The following FLACC1 variants were observed in gnomAD, a reference collection of about 807,000 sequenced individuals.
FLACC1 encodes the protein flagellum-associated coiled-coil domain-containing protein 1.
In FLACC1, 66 loss-of-function variants were observed where a neutral mutation model predicts 62.8. The observed-to-expected ratio is 1.05, with a 90% CI of 0.86 to 1.29. FLACC1 has a LOEUF of 1.29. Ranked by LOEUF, FLACC1 falls within the 50% of genes most tolerant of loss-of-function variation. FLACC1 has a pLI of 0.00. For synonymous variants in FLACC1, 156 were observed against 161.0 expected (o/e 0.97, Z 0.24); for missense variants, 452 against 489.1 (o/e 0.92, Z 0.71).
At chr2:201,340,188 C>T (rs188011157) in intron 7 of FLACC1, among the ~76,000 whole-genome samples, 108 of 152,276 alleles carry the variant, frequency 7.1e-4, no homozygotes, top group Non-Finnish European at 1.3e-3. Flanking sequence ...AAAATCCATT[C>T]ACGCATTCTA....
At chr2:201,361,580 A>G (rs1231214275), upstream of FLACC1, among the ~76,000 whole-genome samples, 1 of 152,224 alleles carries the variant, frequency 6.6e-6, no homozygotes, top group Non-Finnish European at 1.5e-5. Context: ...TTACATTTAT[A>G]TATATGTAGA....
At chr2:201,306,504 C>T (rs1031284340) in intron 11 of FLACC1, among the ~76,000 whole-genome samples, 1 of 152,066 alleles carries the variant, frequency 6.6e-6, no homozygotes, top group Non-Finnish European at 1.5e-5. Context: ...AAAAATGACC[C>T]ATGACTCTTA....
intron 12 of FLACC1, among the ~76,000 whole-genome samples, chr2:201,293,551 T>C (rs1466625438): frequency 6.6e-6 from 1 of 152,150 alleles, no homozygotes; most frequent in Non-Finnish European, 1.5e-5. Context: ...TGGCACTAAA[T>C]GCCCACAAGA....
At chr2:201,344,412 G>T in intron 5 of FLACC1, 149 bp from the exon 6 acceptor site, 5 of 681,346 alleles carry the variant, frequency 7.3e-6, no homozygotes, top group Non-Finnish European at 7.8e-6. Context: ...TGGGGTGGGG[G>T]TGGAGGGATA....
intron 12 of FLACC1, among the ~76,000 whole-genome samples, chr2:201,294,947 T>C (rs1343970532): frequency 6.6e-6 from 1 of 152,094 alleles, no homozygotes; most frequent in Non-Finnish European, 1.5e-5. Context: ...ATAAAATACC[T>C]AGGAATCCAA....
At chr2:201,332,206 C>A (rs1309342552) in intron 7 of FLACC1, among the ~76,000 whole-genome samples, 2 of 151,636 alleles carry the variant, frequency 1.3e-5, no homozygotes, top group Non-Finnish European at 2.9e-5. Context: ...AATAATGAAA[C>A]CAAACTAGTT....
At chr2:201,339,066 C>CTTTTTTTTTTTTTTTTTTT (rs1559414089) in intron 7 of FLACC1, among the ~76,000 whole-genome samples, 1 of 151,872 alleles carries the variant, frequency 6.6e-6, no homozygotes, top group African/African-American at 2.4e-5. Flanking sequence ...TGTTGGGAGA[C>CTTTTTTTTTTTTTTTTTTT]TTTTTATTAC....
intron 11 of FLACC1, among the ~76,000 whole-genome samples, chr2:201,303,562 T>C (rs572076122): frequency 6.6e-4 from 101 of 152,266 alleles, no homozygotes; most frequent in Non-Finnish European, 1.2e-3. Context: ...AGAGGGAATC[T>C]TCCCTAACTC....
At chr2:201,313,651 A>G (rs921376612) in intron 9 of FLACC1, among the ~76,000 whole-genome samples, 4 of 152,144 alleles carry the variant, frequency 2.6e-5, no homozygotes, top group Admixed American at 6.6e-5. Context: ...GACAAAGGGC[A>G]TATACTCTTG....
intron 3 of FLACC1, among the ~76,000 whole-genome samples, chr2:201,349,960 G>A (rs1211914140): frequency 1.3e-5 from 2 of 152,218 alleles, no homozygotes; most frequent in African/African-American, 4.8e-5. Flanking sequence ...TGTAGGATCT[G>A]AGGTTTGCAA....
chr2:201,289,974 C>A, intron 12 of FLACC1, 189 bp from the exon 13 acceptor site: 1 of 976,858 alleles, frequency 1.0e-6, no homozygotes, highest in Non-Finnish European at 1.5e-6. Flanking sequence ...TCAGCCTCAC[C>A]AGAGCTCATA....
intron 7 of FLACC1, 52 bp downstream of exon 7, chr2:201,342,318 C>A (rs545855998): frequency 5.1e-6 from 8 of 1,581,604 alleles, no homozygotes; most frequent in South Asian, 1.1e-5. Flanking sequence ...GCAAAGGATG[C>A]GGGACCCTTA....
intron 7 of FLACC1, among the ~76,000 whole-genome samples, chr2:201,332,662 T>C (rs1950617492): frequency 6.6e-6 from 1 of 152,158 alleles, no homozygotes; most frequent in Non-Finnish European, 1.5e-5. Context: ...GAAAATCCCA[T>C]ATTTCTCCTG....
At chr2:201,297,995 G>A (rs1949901540) in intron 12 of FLACC1, among the ~76,000 whole-genome samples, 1 of 152,188 alleles carries the variant, frequency 6.6e-6, no homozygotes, top group African/African-American at 2.4e-5. Context: ...ATCCTGGCCT[G>A]TTAAGGGAAC....
chr2:201,321,060 A>T (rs751317758), intron 9 of FLACC1, among the ~76,000 whole-genome samples: 5 of 152,200 alleles, frequency 3.3e-5, no homozygotes, highest in Non-Finnish European at 5.9e-5. Context: ...TGACCAGTTC[A>T]TTACTACTAA....
Position 201,351,167 on chromosome 2 carries a change from C to T in FLACC1, c.113+125G>A, listed in dbSNP as rs560100561. ...CAGCTGGCAGGGAAGCTGGGGAAAG[C>T]GAGGCTTTCTGGCCCACCTGGGATT... On this transcript the variant is annotated intron_variant, in intron 2 of 14. Transcript: ENST00000392257. 328 of 835,136 alleles carry T rather than the reference C, an allele frequency of 3.9e-4. 1 individual carries two copies. The African/African-American group carries it at 4.3e-3, about 11-fold the overall frequency. 51.7% of individuals were successfully genotyped at this position (835,136 alleles called of 1,614,324 possible).
chr2:201,363,023 T>G, the FLACC1 span, among the ~76,000 whole-genome samples: 1 of 152,138 alleles, frequency 6.6e-6, no homozygotes, highest in Non-Finnish European at 1.5e-5. Context: ...AGTCTGCATA[T>G]GTCATTGCAG....
chr2:201,362,403 T>C, the FLACC1 span, among the ~76,000 whole-genome samples: 1 of 152,032 alleles, frequency 6.6e-6, no homozygotes, highest in Non-Finnish European at 1.5e-5. Context: ...AATAGCAAGA[T>C]AGTGTGTAAA....
intron 7 of FLACC1, among the ~76,000 whole-genome samples, chr2:201,334,954 C>T (rs905939573): frequency 1.3e-5 from 2 of 151,954 alleles, no homozygotes; most frequent in African/African-American, 4.8e-5. Flanking sequence ...CTTTTTATTA[C>T]TTATTCAATA....
Sources: allele counts gnomAD v4.1 joint callset (sites outside exome capture counted in the v4.1 genomes callset), GRCh38; gene constraint gnomAD v4.1.1; transcripts MANE v1.5; gene names NCBI Gene and HGNC (gene_info 2026-07-23, HGNC 2026-07-21).